Variants in CCDC192 observed in about 807,000 individuals in gnomAD.
CCDC192 encodes the protein coiled-coil domain-containing protein 192.
chr5:127,788,949 A>G (rs535811174), intron 3 of CCDC192, among the ~76,000 whole-genome samples: 20 of 152,350 alleles, frequency 1.3e-4, no homozygotes, highest in Non-Finnish European at 2.5e-4. Flanking sequence ...TTATAAGAAG[A>G]GAAGGAGATA....
At chr5:127,789,432 G>A (rs948112350) in intron 3 of CCDC192, among the ~76,000 whole-genome samples, 4 of 152,358 alleles carry the variant, frequency 2.6e-5, no homozygotes, top group Admixed American at 2.6e-4. Flanking sequence ...GGAATCCAGA[G>A]GAAAGCAATC....
At chr5:127,780,916 G>C (rs1004054228) in intron 3 of CCDC192, among the ~76,000 whole-genome samples, 3 of 152,118 alleles carry the variant, frequency 2.0e-5, no homozygotes, top group African/African-American at 7.2e-5. Flanking sequence ...TGTCTAGAAG[G>C]GTTTTTCCAA....
chr5:127,778,621 G>A (rs1428831772), intron 3 of CCDC192, among the ~76,000 whole-genome samples: 2 of 152,182 alleles, frequency 1.3e-5, no homozygotes, highest in Non-Finnish European at 2.9e-5. Flanking sequence ...ATATTAGGAA[G>A]AATTTCCTTA....
intron 1 of CCDC192, among the ~76,000 whole-genome samples, chr5:127,706,352 CCCCGTCT>C (rs1469290865): frequency 6.6e-6 from 1 of 151,816 alleles, no homozygotes; most frequent in Non-Finnish European, 1.5e-5. Context: ...CATGGTGAAA[CCCCGTCT>C]CTACCAAAAA....
intron 3 of CCDC192, among the ~76,000 whole-genome samples, chr5:127,792,733 G>T (rs1444510795): frequency 6.6e-6 from 1 of 151,376 alleles, no homozygotes; most frequent in Non-Finnish European, 1.5e-5. Context: ...AGAAAAGGAG[G>T]AGAAGGAAAA....
At chr5:127,704,835 T>C (rs989696537) in intron 1 of CCDC192, among the ~76,000 whole-genome samples, 2 of 142,662 alleles carry the variant, frequency 1.4e-5, no homozygotes, top group African/African-American at 5.3e-5. Flanking sequence ...CGAAACTCCA[T>C]CTAAAATAAA....
chr5:127,866,167 A>C (rs1486357989), intron 5 of CCDC192, among the ~76,000 whole-genome samples: 2 of 152,088 alleles, frequency 1.3e-5, no homozygotes, highest in African/African-American at 2.4e-5. Flanking sequence ...GAGTACCCCA[A>C]GGAAAAAAAA....
intron 6 of CCDC192, among the ~76,000 whole-genome samples, chr5:127,933,380 A>G (rs1237467104): frequency 2.0e-5 from 3 of 152,222 alleles, no homozygotes; most frequent in African/African-American, 4.8e-5. Flanking sequence ...CTTAAATACT[A>G]GGCGAGAGGG....
At chr5:127,876,485 G>A (rs1752083455) in intron 6 of CCDC192, among the ~76,000 whole-genome samples, 1 of 152,144 alleles carries the variant, frequency 6.6e-6, no homozygotes, top group African/African-American at 2.4e-5. Context: ...TAGAGCAGCC[G>A]CTGACCATAC....
intron 3 of CCDC192, among the ~76,000 whole-genome samples, chr5:127,783,970 G>A: frequency 6.6e-6 from 1 of 152,144 alleles, no homozygotes; most frequent in East Asian, 1.9e-4. Flanking sequence ...CATTTTTGGT[G>A]TCCATTCATA....
At chr5:127,864,376 C>T (rs891685414) in intron 5 of CCDC192, among the ~76,000 whole-genome samples, 9 of 152,144 alleles carry the variant, frequency 5.9e-5, no homozygotes, top group African/African-American at 2.2e-4. Context: ...GCTATCCGTG[C>T]ATATCTCCCA....
chr5:127,718,887 T>C (rs1178820412), intron 2 of CCDC192, among the ~76,000 whole-genome samples: 1 of 152,192 alleles, frequency 6.6e-6, no homozygotes, highest in African/African-American at 2.4e-5. Flanking sequence ...TTTTATATTT[T>C]ATTTGTGTTA....
chr5:127,754,279 G>T lies in CCDC192; in HGVS notation c.126G>T (p.Leu42=). The change falls in exon 3 of 7, where the codon CTG becomes CTT. Residue 42 remains leucine, a synonymous_variant. Transcript: ENST00000514853. The part of the protein sequence containing the change: ...PQENKVSKAS[L]DTGQMAFTLA... ...TTTTTTTTTTAAAGAAAGCGTCCCTGGATACTGGACAGATGGCGTTTACCT... is the reference window on the plus strand; with the variant it reads ...TTTTTTTTTTAAAGAAAGCGTCCCTTGATACTGGACAGATGGCGTTTACCT... 5.0e-6 allele frequency: 2 copies of T among 398,370 alleles called. No homozygotes were observed. The allele number at this position is 398,370 out of a possible 1,614,324, so 24.7% of individuals were successfully genotyped here.
intron 6 of CCDC192, among the ~76,000 whole-genome samples, chr5:127,922,802 C>T (rs752349692): frequency 2.0e-5 from 3 of 152,348 alleles, no homozygotes; most frequent in Admixed American, 2.0e-4. Flanking sequence ...TTGCATAGCT[C>T]ACTCACTTAT....
intron 3 of CCDC192, among the ~76,000 whole-genome samples, chr5:127,782,138 A>G (rs1477933973): frequency 1.3e-5 from 2 of 152,190 alleles, no homozygotes; most frequent in Non-Finnish European, 2.9e-5. Context: ...ACTGATTTGC[A>G]TATGTTAAAT....
intron 5 of CCDC192, among the ~76,000 whole-genome samples, chr5:127,810,023 C>T (rs1757992605): frequency 6.6e-6 from 1 of 152,160 alleles, no homozygotes; most frequent in South Asian, 2.1e-4. Context: ...TACATCTGTT[C>T]TACAATTTGA....
intron 5 of CCDC192, among the ~76,000 whole-genome samples, chr5:127,799,305 G>A (rs1254755886): frequency 6.6e-6 from 1 of 152,188 alleles, no homozygotes; most frequent in African/African-American, 2.4e-5. Context: ...CTAATCTGCT[G>A]TGGCAGTTAG....
At chr5:127,812,800 A>G (rs999923785) in intron 5 of CCDC192, among the ~76,000 whole-genome samples, 3 of 152,154 alleles carry the variant, frequency 2.0e-5, no homozygotes, top group Non-Finnish European at 4.4e-5. Flanking sequence ...ATGGAAAACT[A>G]CTGCCTACGA....
chr5:127,884,216 G>A (rs1242164266), intron 6 of CCDC192, among the ~76,000 whole-genome samples: 21 of 151,558 alleles, frequency 1.4e-4, no homozygotes, highest in South Asian at 6.3e-4. Context: ...GGTGGCGGGC[G>A]CCTGTAGTCC....
Sources: allele counts gnomAD v4.1 joint callset (sites outside exome capture counted in the v4.1 genomes callset), GRCh38; gene constraint gnomAD v4.1.1; transcripts MANE v1.5; gene names NCBI Gene and HGNC (gene_info 2026-07-23, HGNC 2026-07-21).